EXOC4: variants seen among roughly 807,000 people sequenced by gnomAD.
EXOC4 encodes SEC8-like 1.
Under a neutral mutation model 107.2 loss-of-function variants are expected in EXOC4, and 71 were observed. The ratio of observed to expected loss-of-function variants is 0.66; its 90% CI spans 0.55 to 0.81. EXOC4 has a LOEUF of 0.81. EXOC4 is among the 30% of genes least tolerant of loss of function. The pLI is 0.00. For missense variants in EXOC4, 1,108 were observed against 1,189.6 expected, an observed-to-expected ratio of 0.93 and a Z score of 1.01; for synonymous variants, 456 against 441.2, an observed-to-expected ratio of 1.03 and a Z score of -0.42.
chr7:133,970,889 T>TC (rs11432538), intron 14 of EXOC4, among the ~76,000 whole-genome samples: 113,007 of 151,796 alleles, frequency 0.74, 42,943 homozygotes, highest in East Asian at 0.91. Context: ...CCAAATGGTT[T>TC]CCCCTGACCT....
chr7:133,332,662 ACAGT>A (rs1348415476), intron 5 of EXOC4, among the ~76,000 whole-genome samples: 3 of 152,344 alleles, frequency 2.0e-5, no homozygotes, highest in East Asian at 3.8e-4. Context: ...TTGTATGTAA[ACAGT>A]CAGTGTCTGC....
At chr7:133,666,192 G>A (rs972385714) in intron 10 of EXOC4, among the ~76,000 whole-genome samples, 4 of 151,820 alleles carry the variant, frequency 2.6e-5, no homozygotes, top group Admixed American at 1.3e-4. Context: ...TTTTAAAAGC[G>A]AAAAAATTCC....
chr7:133,356,961 C>T (rs1006992461), intron 6 of EXOC4, among the ~76,000 whole-genome samples: 12 of 152,190 alleles, frequency 7.9e-5, no homozygotes, highest in African/African-American at 2.4e-4. Context: ...GCCTAGGTGA[C>T]AGAGCGAGAC....
chr7:133,309,456 G>C (rs1201126078), intron 4 of EXOC4, among the ~76,000 whole-genome samples: 1 of 152,120 alleles, frequency 6.6e-6, no homozygotes, highest in Non-Finnish European at 1.5e-5. Flanking sequence ...AAAAAAATTA[G>C]TATTCTTTTT....
At chr7:133,852,164 G>GTT (rs1319583658) in intron 11 of EXOC4, among the ~76,000 whole-genome samples, 1 of 150,884 alleles carries the variant, frequency 6.6e-6, no homozygotes, top group African/African-American at 2.4e-5. Context: ...CAGCTTTTGG[G>GTT]TTTTAAGTTT....
chr7:133,312,782 C>A, intron 4 of EXOC4, among the ~76,000 whole-genome samples: 1 of 150,800 alleles, frequency 6.6e-6, no homozygotes, highest in Admixed American at 6.6e-5. Flanking sequence ...CTTGATGCTC[C>A]TTTCTGTAAG....
intron 7 of EXOC4, among the ~76,000 whole-genome samples, chr7:133,467,545 T>G (rs1218115115): frequency 6.6e-6 from 1 of 151,940 alleles, no homozygotes. Context: ...TTGCCTCATT[T>G]TGTATTTGGC....
the EXOC4 span, among the ~76,000 whole-genome samples, chr7:134,085,346 C>A: frequency 9.3e-4 from 139 of 148,910 alleles, no homozygotes; most frequent in African/African-American, 2.8e-3. Context: ...AAAAAAAAAA[C>A]CAACTTTTTT....
chr7:133,646,600 T>G (rs937221282), intron 10 of EXOC4, among the ~76,000 whole-genome samples: 5 of 152,192 alleles, frequency 3.3e-5, no homozygotes, highest in African/African-American at 1.2e-4. Flanking sequence ...TGTACTTACT[T>G]GGGAGTTTGA....
At chr7:133,934,946 G>A (rs558165000) in intron 13 of EXOC4, among the ~76,000 whole-genome samples, 1 of 150,622 alleles carries the variant, frequency 6.6e-6, no homozygotes, top group Non-Finnish European at 1.5e-5. Flanking sequence ...ATGACATCTC[G>A]TATGCTAATT....
chr7:133,598,299 G>C (rs1417884437), intron 9 of EXOC4, among the ~76,000 whole-genome samples: 2 of 152,184 alleles, frequency 1.3e-5, no homozygotes, highest in Non-Finnish European at 2.9e-5. Context: ...AATTATGTTA[G>C]TGAACAGATG....
intron 10 of EXOC4, among the ~76,000 whole-genome samples, chr7:133,772,202 A>C (rs1459368380): frequency 6.6e-6 from 1 of 151,928 alleles, no homozygotes; most frequent in African/African-American, 2.4e-5. Flanking sequence ...CTTAGTATGT[A>C]CTCTGCATTC....
intron 11 of EXOC4, among the ~76,000 whole-genome samples, chr7:133,839,422 G>A (rs1797981534): frequency 6.6e-6 from 1 of 152,180 alleles, no homozygotes. Flanking sequence ...ACTGTAATGA[G>A]ATAATGACAG....
chr7:134,043,302 T>C (rs1361811506), intron 17 of EXOC4, among the ~76,000 whole-genome samples: 1 of 152,180 alleles, frequency 6.6e-6, no homozygotes, highest in Non-Finnish European at 1.5e-5. Flanking sequence ...ATAATTATTT[T>C]CTTAATGACA....
intron 17 of EXOC4, among the ~76,000 whole-genome samples, chr7:134,035,342 G>C (rs1021997191): frequency 6.6e-6 from 1 of 152,104 alleles, no homozygotes; most frequent in Non-Finnish European, 1.5e-5. Context: ...ACTGCGCCTG[G>C]CCAAAAAGTT....
At chr7:133,451,017 T>G (rs1277174847) in intron 7 of EXOC4, among the ~76,000 whole-genome samples, 1 of 152,184 alleles carries the variant, frequency 6.6e-6, no homozygotes, top group African/African-American at 2.4e-5. Context: ...TCACTTTGGT[T>G]TGGAGAATAC....
At chr7:134,075,215 A>G in the EXOC4 span, among the ~76,000 whole-genome samples, 3 of 152,186 alleles carry the variant, frequency 2.0e-5, no homozygotes, top group Non-Finnish European at 4.4e-5. Context: ...TGCATACAGC[A>G]TGGGTGATTT....
At chr7:134,047,084 A>G (rs1362462279) in intron 17 of EXOC4, among the ~76,000 whole-genome samples, 1 of 152,192 alleles carries the variant, frequency 6.6e-6, no homozygotes, top group Non-Finnish European at 1.5e-5. Flanking sequence ...GAAATAAAAT[A>G]TCTTTTCTTA....
chr7:133,335,626 T>C (rs776808786), intron 5 of EXOC4, among the ~76,000 whole-genome samples: 8 of 152,232 alleles, frequency 5.3e-5, no homozygotes, highest in Non-Finnish European at 1.2e-4. Context: ...GCTATTGTGA[T>C]AGTGGTGCTG....
Sources: gnomAD v4.1 joint callset for allele counts (sites outside exome capture counted in the v4.1 genomes callset) on GRCh38, gnomAD v4.1.1 for gene constraint, MANE v1.5 for transcripts, NCBI Gene and HGNC (gene_info 2026-07-23, HGNC 2026-07-21) for gene names.